WDFY2: variants seen among roughly 807,000 people sequenced by gnomAD.
WDFY2 encodes the protein WD repeat and FYVE domain containing 2.
A neutral mutation model predicts 56.4 loss-of-function variants in WDFY2; 36 were observed. That is an observed-to-expected ratio of 0.64 (90% CI 0.49 to 0.84). The LOEUF is 0.84. Among genes scored for constraint, WDFY2 ranks in the 40% least tolerant of loss-of-function variants. The pLI, the probability that WDFY2 is intolerant of heterozygous loss-of-function variation, is 0.00. For synonymous variants in WDFY2, 176 were observed against 183.7 expected (o/e 0.96, Z 0.34); for missense variants, 444 against 512.2 (o/e 0.87, Z 1.29).
At chr13:51,718,559 TACACACACACACACACACACACACAC>T (rs71192015) in intron 4 of WDFY2, among the ~76,000 whole-genome samples, 1 of 138,682 alleles carries the variant, frequency 7.2e-6, no homozygotes, top group Admixed American at 7.3e-5. Context: ...TTATCATTCA[TACACACACACACACACACACACACAC>T]ACACACACAC....
intron 1 of WDFY2, among the ~76,000 whole-genome samples, chr13:51,653,192 C>T (rs916799981): frequency 1.3e-5 from 2 of 152,172 alleles, no homozygotes; most frequent in Non-Finnish European, 2.9e-5. Flanking sequence ...TCCAGTTGAT[C>T]GAATCGGCTA....
Position 51,766,776 on chromosome 13 carries a change from A to AATC in WDFY2, c.*7008_*7010dup, listed in dbSNP as rs1308101168. On this transcript the variant is annotated 3_prime_UTR_variant, in exon 12 of 12. Coordinates refer to ENST00000298125, the MANE Select transcript of WDFY2 (RefSeq NM_052950.4). ...GGAGTTGCCGCCACGGTTTAAAATA[A>AATC]ATCTCTGTGAAAACCTTTCTGCAGC... 6.6e-6 allele frequency: 1 copy of AATC among 152,246 alleles called. No homozygotes were observed. Among genetic ancestry groups the AATC allele is most frequent in the African/African-American group, 2.4e-5 (1 of 41,450 alleles). The allele number at this position is 152,246 out of a possible 1,614,324, so 9.4% of individuals were successfully genotyped here.
intron 1 of WDFY2, among the ~76,000 whole-genome samples, chr13:51,642,213 A>T (rs1955180651): frequency 6.6e-6 from 1 of 151,996 alleles, no homozygotes; most frequent in African/African-American, 2.4e-5. Flanking sequence ...ATTGCTTTTC[A>T]TTTATCTTAC....
intron 2 of WDFY2, among the ~76,000 whole-genome samples, chr13:51,668,881 A>G (rs1373997809): frequency 6.6e-6 from 1 of 152,230 alleles, no homozygotes; most frequent in African/African-American, 2.4e-5. Context: ...GCAAAGTTCA[A>G]CTGGTCAGCA....
At chr13:51,755,274 G>A in intron 8 of WDFY2, 84 bp from the exon 9 acceptor site, 1 of 1,253,442 alleles carries the variant, frequency 8.0e-7, no homozygotes, top group South Asian at 1.3e-5. Context: ...CATCCTGATA[G>A]CTCCATAAGT....
At chr13:51,654,351 C>T (rs571908576) in intron 1 of WDFY2, among the ~76,000 whole-genome samples, 4 of 152,294 alleles carry the variant, frequency 2.6e-5, no homozygotes, top group African/African-American at 4.8e-5. Context: ...TTGTGCTTCC[C>T]GGGTGAGGTG....
At chr13:51,759,496 A>T (rs1953512432) in intron 11 of WDFY2, among the ~76,000 whole-genome samples, 1 of 152,238 alleles carries the variant, frequency 6.6e-6, no homozygotes. Context: ...CTCAGCCATT[A>T]ATAGATTGAA....
At chr13:51,660,043 C>G (rs777414335) in intron 1 of WDFY2, among the ~76,000 whole-genome samples, 4 of 152,140 alleles carry the variant, frequency 2.6e-5, no homozygotes, top group Non-Finnish European at 4.4e-5. Flanking sequence ...CATGATTACA[C>G]ATGTGTGGCA....
chr13:51,668,043 C>G (rs1955743595), intron 2 of WDFY2, among the ~76,000 whole-genome samples: 2 of 151,928 alleles, frequency 1.3e-5, no homozygotes, highest in South Asian at 4.2e-4. Flanking sequence ...AGGCGTCCGC[C>G]ACTGCGCCCG....
chr13:51,690,194 A>AT (rs1292547174), intron 3 of WDFY2, among the ~76,000 whole-genome samples: 3 of 3,962 alleles, frequency 7.6e-4, no homozygotes, highest in South Asian at 0.062. Flanking sequence ...TTATATATAT[A>AT]TATTTTTTTT....
chr13:51,640,581 G>A (rs1955136262), intron 1 of WDFY2, among the ~76,000 whole-genome samples: 1 of 152,168 alleles, frequency 6.6e-6, no homozygotes, highest in Non-Finnish European at 1.5e-5. Flanking sequence ...AGGTGCGGTG[G>A]CTCATGCCTA....
At chr13:51,678,679 T>C (rs1955927182) in intron 3 of WDFY2, among the ~76,000 whole-genome samples, 1 of 152,214 alleles carries the variant, frequency 6.6e-6, no homozygotes, top group Admixed American at 6.5e-5. Flanking sequence ...ATATCAACTC[T>C]GTACAAAAGA....
intron 1 of WDFY2, among the ~76,000 whole-genome samples, chr13:51,602,208 A>G (rs575838005): frequency 1.3e-5 from 2 of 152,368 alleles, no homozygotes; most frequent in East Asian, 1.9e-4. Flanking sequence ...CAGTGGTCCC[A>G]TAGATTATAA....
chr13:51,696,995 G>A (rs941864025), intron 3 of WDFY2, among the ~76,000 whole-genome samples: 36 of 152,074 alleles, frequency 2.4e-4, no homozygotes, highest in African/African-American at 8.0e-4. Context: ...ATAAAATCCT[G>A]TGGATAGAAA....
rs141170641 is a variant in WDFY2 at position 51,685,623 on chromosome 13, ATCT to A, written c.279+10383_279+10385del. ...GAAGTGGATCATCATAAAGGCCTTC[ATCT>A]TCATCCTATTCACGTTGAGTAGGCT... is the stretch of plus-strand genomic sequence containing the variant. On this transcript the variant is annotated intron_variant, in intron 3 of 11. Transcript: ENST00000298125. Among the ~76,000 whole-genome samples, 852 of 152,296 alleles carry A rather than the reference ATCT, an allele frequency of 5.6e-3. 6 individuals carry two copies. Among genetic ancestry groups the A allele is most frequent in the African/African-American group, 0.019 (797 of 41,574 alleles).
intron 4 of WDFY2, 98 bp downstream of exon 4, chr13:51,703,748 G>T (rs1252179167): frequency 9.6e-7 from 1 of 1,036,990 alleles, no homozygotes; most frequent in Non-Finnish European, 1.4e-6. Flanking sequence ...AATCATCAGG[G>T]AAACAAAACA....
chr13:51,703,738 A>G, intron 4 of WDFY2, 88 bp downstream of exon 4: 2 of 1,128,472 alleles, frequency 1.8e-6, no homozygotes, highest in East Asian at 5.1e-5. Context: ...CATACTTTAC[A>G]ATCATCAGGG....
chr13:51,721,566 A>G (rs111232106), intron 5 of WDFY2, among the ~76,000 whole-genome samples: 2 of 152,020 alleles, frequency 1.3e-5, no homozygotes, highest in African/African-American at 4.8e-5. Context: ...TTGCCACACC[A>G]TGTGGTTTAC....
At chr13:51,638,619 A>G (rs953998214) in intron 1 of WDFY2, among the ~76,000 whole-genome samples, 2 of 152,190 alleles carry the variant, frequency 1.3e-5, no homozygotes, top group African/African-American at 4.8e-5. Context: ...ACACAAAAAT[A>G]CCCATTCATG....
Sources: gnomAD v4.1 joint callset for allele counts (sites outside exome capture counted in the v4.1 genomes callset) on GRCh38, gnomAD v4.1.1 for gene constraint, MANE v1.5 for transcripts, NCBI Gene and HGNC (gene_info 2026-07-23, HGNC 2026-07-21) for gene names.